Variants in ERMARD observed in about 807,000 individuals in gnomAD.
The protein encoded by ERMARD is ER membrane associated RNA degradation.
A neutral mutation model predicts 83.9 loss-of-function variants in ERMARD; 71 were observed. That is an observed-to-expected ratio of 0.85 (90% CI 0.70 to 1.03). The LOEUF (loss-of-function observed/expected upper bound fraction) is 1.03, where lower values mean the gene tolerates loss of function less well. ERMARD is among the 50% of genes least tolerant of loss of function. The pLI is 0.00. For synonymous variants in ERMARD, 284 were observed against 298.6 expected (o/e 0.95, Z 0.50); for missense variants, 838 against 810.9 (o/e 1.03, Z -0.41).
intron 15 of ERMARD, 156 bp downstream of exon 15, chr6:169,776,221 A>G: frequency 1.3e-6 from 2 of 1,515,150 alleles, no homozygotes; most frequent in Non-Finnish European, 1.8e-6. Context: ...ATAAGTTTTG[A>G]CAATCTCTGT....
chr6:169,760,964 G>A (rs757501313), intron 8 of ERMARD, among the ~76,000 whole-genome samples: 14 of 152,190 alleles, frequency 9.2e-5, no homozygotes, highest in Non-Finnish European at 1.9e-4. Context: ...TGGTGCAGGT[G>A]ATAGAATTAT....
At chr6:169,779,841 C>G (rs192417948) in intron 17 of ERMARD, among the ~76,000 whole-genome samples, 1 of 152,336 alleles carries the variant, frequency 6.6e-6, no homozygotes, top group Non-Finnish European at 1.5e-5. Flanking sequence ...CCATCCCGAT[C>G]TAGGAGTCTG....
In ERMARD at chr6:169,769,552, G is replaced by C. The variant is rs367967047; in HGVS notation, c.1072G>C (p.Asp358His). 2.5e-6 allele frequency: 4 copies of C among 1,594,768 alleles called. No individual in the cohort carries two copies. Among genetic ancestry groups the C allele is most frequent in the Non-Finnish European group, 3.4e-6 (4 of 1,172,714 alleles). ...LGEPAMEFLW[D>H]FLNHQEGPRI... ...TAATTTCTGAAAGGAATTTCTCTGG[G>C]ATTTCCTGAACCATCAGGAGGGTCC... Residue 358 changes from aspartate (D) to histidine (H), a missense_variant, in exon 12 of 18, where the codon GAT becomes CAT. Coordinates refer to ENST00000366773, the MANE Select transcript of ERMARD (RefSeq NM_018341.3).
At chr6:169,754,262 G>T (rs998520275) in intron 2 of ERMARD, among the ~76,000 whole-genome samples, 2 of 152,180 alleles carry the variant, frequency 1.3e-5, no homozygotes, top group African/African-American at 4.8e-5. Context: ...CAGAGGAGGT[G>T]TCAGGAGGCA....
chr6:169,757,610 A>G (rs1790979820), intron 5 of ERMARD, among the ~76,000 whole-genome samples: 1 of 152,224 alleles, frequency 6.6e-6, no homozygotes, highest in Non-Finnish European at 1.5e-5. Context: ...AGGGCACATG[A>G]TCAAGAGACT....
At chr6:169,767,780 C>G (rs1041972532) in intron 10 of ERMARD, 2 of 351,632 alleles carry the variant, frequency 5.7e-6, no homozygotes, top group Non-Finnish European at 1.1e-5. Context: ...CACACACACA[C>G]AGGCACAGTT....
intron 13 of ERMARD, among the ~76,000 whole-genome samples, chr6:169,774,181 A>G (rs1470377764): frequency 2.6e-5 from 4 of 152,166 alleles, no homozygotes; most frequent in Admixed American, 2.0e-4. Context: ...TAAAAATACA[A>G]AAATTAGCCG....
intron 8 of ERMARD, among the ~76,000 whole-genome samples, chr6:169,761,146 C>T (rs540138945): frequency 1.3e-5 from 2 of 152,250 alleles, no homozygotes; most frequent in Non-Finnish European, 2.9e-5. Context: ...ATCTTTAGTT[C>T]CTTAAAGGAT....
In ERMARD at chr6:169,776,044, T is replaced by G; in HGVS notation, c.1499T>G (p.Leu500Trp). 2 of 1,614,036 alleles carry G rather than the reference T, an allele frequency of 1.2e-6. No individual in the cohort carries two copies. The highest frequency in any genetic ancestry group is 1.7e-6 in the Non-Finnish European group (2 of 1,180,006). The change falls in exon 15 of 18, where the codon TTG becomes TGG. Residue 500 changes from leucine (L) to tryptophan (W), a missense_variant. Leu to Trp is a moderately conservative substitution (Grantham distance 61). Coordinates refer to ENST00000366773, the MANE Select transcript of ERMARD (RefSeq NM_018341.3). ...MPENRCVLKD[L>W]DRLPTETWPQ... ...GAGAATCGTTGTGTGTTAAAGGACT[T>G]GGATCGTCTTCCTACTGAGACGTAA...
chr6:169,765,587 G>A (rs1562332657), intron 9 of ERMARD, among the ~76,000 whole-genome samples: 1 of 152,206 alleles, frequency 6.6e-6, no homozygotes, highest in Non-Finnish European at 1.5e-5. Flanking sequence ...ATATGTGGTA[G>A]ACGTTGGATA....
At position 169,770,176 on chromosome 6, in the gene ERMARD, G is replaced by A. The variant is rs763209318; in HGVS notation, c.1233+463G>A. 3.3e-5 allele frequency among the ~76,000 whole-genome samples: 5 copies of A among 151,940 alleles called. No individual in the cohort carries two copies. In the East Asian group the frequency reaches 9.7e-4, roughly 29 times the overall value. ...ACATGTGACAGTTATTTTAAAAATTGTTTAAATGTTCAAACAAAAATTACT... is the reference window on the plus strand; with the variant it reads ...ACATGTGACAGTTATTTTAAAAATTATTTAAATGTTCAAACAAAAATTACT... On this transcript the variant is annotated intron_variant, in intron 12 of 17. Transcript: ENST00000366773.
chr6:169,754,990 T>G (rs924879295), intron 2 of ERMARD, among the ~76,000 whole-genome samples: 1 of 152,168 alleles, frequency 6.6e-6, no homozygotes, highest in Non-Finnish European at 1.5e-5. Flanking sequence ...GTGAGCCTGG[T>G]TTTCTGTATT....
chr6:169,776,041 A>T lies in ERMARD; in HGVS notation c.1496A>T (p.Asp499Val), dbSNP rs1585417679. Residue 499 changes from aspartate to valine, a missense_variant, in exon 15 of 18, where the codon GAC (aspartate) becomes GTC (valine). Asp to Val is a radical substitution (Grantham distance 152). Transcript: ENST00000366773. Reference protein sequence around the residue: ...HMPENRCVLKDLDRLPTETWP... With the variant: ...HMPENRCVLKVLDRLPTETWP... The stretch of plus-strand genomic sequence containing the variant: ...CCTGAGAATCGTTGTGTGTTAAAGG[A>T]CTTGGATCGTCTTCCTACTGAGACG... 2 of 1,613,964 alleles carry T rather than the reference A, an allele frequency of 1.2e-6. No homozygotes were observed. The highest frequency in any genetic ancestry group is 1.7e-6 in the Non-Finnish European group (2 of 1,179,978).
chr6:169,777,225 A>G (rs1793709534), intron 16 of ERMARD, among the ~76,000 whole-genome samples: 1 of 152,170 alleles, frequency 6.6e-6, no homozygotes, highest in Admixed American at 6.5e-5. Flanking sequence ...TCATATAGGC[A>G]TTTGTCTCAG....
At chr6:169,751,514 G>C, upstream of ERMARD, 2 of 1,610,034 alleles carry the variant, frequency 1.2e-6, no homozygotes, top group Non-Finnish European at 1.7e-6. Flanking sequence ...GCGGTCAAAC[G>C]CCCTAGCCAG....
At chr6:169,776,426 G>T in intron 15 of ERMARD, 29 bp from the exon 16 acceptor site, 1 of 1,604,712 alleles carries the variant, frequency 6.2e-7, no homozygotes, top group South Asian at 1.1e-5. Flanking sequence ...GGATCATGAT[G>T]CCTGCTCCAA....
rs144908519 is a variant in ERMARD, at chr6:169,776,025, C to A, written c.1480C>A (p.Arg494Ser). The change falls in exon 15 of 18, where the codon CGT becomes AGT. Residue 494 changes from arginine (R) to serine (S), a missense_variant. Physicochemically the swap from Arg to Ser is moderately radical, Grantham distance 110 (BLOSUM62 -1). Transcript: ENST00000366773. ...DELYHHMPEN[R>S]CVLKDLDRLP... ...GCTGTATCACCATATGCCTGAGAAT[C>A]GTTGTGTGTTAAAGGACTTGGATCG... 1.2e-6 allele frequency: 2 copies of A among 1,614,174 alleles called. No individual in the cohort carries two copies. The highest frequency in any genetic ancestry group is 4.5e-5 in the East Asian group (2 of 44,892).
chr6:169,758,274 A>G (rs1169489165), intron 5 of ERMARD, among the ~76,000 whole-genome samples: 5 of 152,168 alleles, frequency 3.3e-5, no homozygotes, highest in African/African-American at 7.2e-5. Flanking sequence ...GAATTCTTTT[A>G]GTCTTTGAAC....
At position 169,775,364 on chromosome 6, in the gene ERMARD, G is replaced by A. The variant is rs751400542; in HGVS notation, c.1394+18G>A. The A allele has an allele frequency of 6.2e-7, 1 of 1,613,806 alleles. No individual in the cohort carries two copies. The highest frequency in any genetic ancestry group is 8.5e-7 in the Non-Finnish European group (1 of 1,179,782). ...GCCGTCAGGTGCGTGGCATCCTGGG[G>A]CCTGGCTGACCTCAAGCTTGTCTGG... On this transcript the variant is annotated intron_variant, in intron 14 of 17. Coordinates refer to ENST00000366773, the MANE Select transcript of ERMARD (RefSeq NM_018341.3).
Sources: allele counts gnomAD v4.1 joint callset (sites outside exome capture counted in the v4.1 genomes callset), GRCh38; gene constraint gnomAD v4.1.1; transcripts MANE v1.5; gene names NCBI Gene and HGNC (gene_info 2026-07-23, HGNC 2026-07-21).